PTPRN2: variants seen among roughly 807,000 people sequenced by gnomAD.
PTPRN2 encodes the protein receptor-type tyrosine-protein phosphatase N2.
A neutral mutation model predicts 118.8 loss-of-function variants in PTPRN2; 74 were observed. That is an observed-to-expected ratio of 0.62 (90% CI 0.52 to 0.76). PTPRN2 has a LOEUF of 0.76. Ranked by LOEUF, PTPRN2 falls within the 30% of genes least tolerant of loss-of-function variation. The pLI, the probability that PTPRN2 is intolerant of heterozygous loss-of-function variation, is 0.00. For missense variants in PTPRN2, 1,481 were observed against 1,394.4 expected, an observed-to-expected ratio of 1.06 and a Z score of -0.99; for synonymous variants, 641 against 608.0, an observed-to-expected ratio of 1.05 and a Z score of -0.80.
chr7:158,290,845 A>T (rs1283602597), intron 3 of PTPRN2, among the ~76,000 whole-genome samples: 1 of 152,172 alleles, frequency 6.6e-6, no homozygotes, highest in African/African-American at 2.4e-5. Flanking sequence ...ATAGATGTTC[A>T]AATTGTTGTT....
intron 12 of PTPRN2, among the ~76,000 whole-genome samples, chr7:157,689,792 A>G (rs1393821978): frequency 6.6e-6 from 1 of 152,134 alleles, no homozygotes; most frequent in Non-Finnish European, 1.5e-5. Flanking sequence ...GGCCTCTCAG[A>G]GGCGTCCCCA....
chr7:158,140,000 C>A (rs1819225033), intron 6 of PTPRN2, among the ~76,000 whole-genome samples: 1 of 131,930 alleles, frequency 7.6e-6, no homozygotes, highest in African/African-American at 3.2e-5. Flanking sequence ...AGAGAAACAC[C>A]ACCACACAGA....
intron 15 of PTPRN2, among the ~76,000 whole-genome samples, chr7:157,612,916 C>T (rs886750410): frequency 6.6e-6 from 1 of 152,180 alleles, no homozygotes; most frequent in Non-Finnish European, 1.5e-5. Flanking sequence ...CCCCACACCC[C>T]ACGGCAGCCG....
At chr7:158,401,083 G>A (rs555116530) in intron 2 of PTPRN2, among the ~76,000 whole-genome samples, 3 of 152,220 alleles carry the variant, frequency 2.0e-5, no homozygotes, top group Non-Finnish European at 2.9e-5. Context: ...AAGCGGCACC[G>A]CCACCAGCAA....
chr7:158,039,271 TG>T (rs1330696989), intron 11 of PTPRN2, among the ~76,000 whole-genome samples: 5 of 152,318 alleles, frequency 3.3e-5, no homozygotes, highest in African/African-American at 9.6e-5. Context: ...AAGTCCAGAA[TG>T]TTGTGGGATG....
At chr7:158,114,564 T>C (rs1816568821) in intron 9 of PTPRN2, among the ~76,000 whole-genome samples, 1 of 152,218 alleles carries the variant, frequency 6.6e-6, no homozygotes. Flanking sequence ...GGTACCAGGC[T>C]GAGCCAGGAG....
rs1014515014 is a variant in PTPRN2, at chr7:157,903,878, C to T, written c.1724-5141G>A. ...GCTGTGGATTTCCATGCACGCTTCA[C>T]AAGCAGCTGTGAGGACCACGTGGGA... On this transcript the variant is annotated intron_variant, in intron 11 of 22. Coordinates refer to ENST00000389418, the MANE Select transcript of PTPRN2 (RefSeq NM_002847.5). The surrounding 1 kb of genome is among the most constrained non-coding windows in gnomAD (Gnocchi z 4.2). Among the ~76,000 whole-genome samples, 1 of 152,220 alleles carries T rather than the reference C, an allele frequency of 6.6e-6. No individual in the cohort carries two copies. The highest frequency in any genetic ancestry group is 1.5e-5 in the Non-Finnish European group (1 of 68,034).
rs1797581359 is a variant in PTPRN2 at position 157,903,373 on chromosome 7, G to C, written c.1724-4636C>G. Among the ~76,000 whole-genome samples, 1 of 152,046 alleles carries C rather than the reference G, an allele frequency of 6.6e-6. No homozygotes were observed. Among genetic ancestry groups the C allele is most frequent in the Non-Finnish European group, 1.5e-5 (1 of 68,020 alleles). ...AAGCAAGACGGTACCCCAAACCTCA[G>C]CATCACCAGTATGCCCAGGTCACAA... On this transcript the variant is annotated intron_variant, in intron 11 of 22. Transcript: ENST00000389418. This position sits in a 1 kb window ranked among gnomAD's most constrained non-coding sequence, Gnocchi z 4.2.
At chr7:158,127,645 C>T (rs746688106) in intron 9 of PTPRN2, among the ~76,000 whole-genome samples, 9 of 152,158 alleles carry the variant, frequency 5.9e-5, no homozygotes, top group Non-Finnish European at 8.8e-5. Context: ...ACTGGCTCAG[C>T]GTGGTCGTTC....
At chr7:157,941,755 G>T (rs952941510) in intron 11 of PTPRN2, among the ~76,000 whole-genome samples, 1 of 152,142 alleles carries the variant, frequency 6.6e-6, no homozygotes, top group African/African-American at 2.4e-5. Flanking sequence ...CATGGAGTGG[G>T]GTCAGCATGT....
At chr7:158,135,240 T>C (rs142550684) in intron 8 of PTPRN2, among the ~76,000 whole-genome samples, 335 of 152,322 alleles carry the variant, frequency 2.2e-3, no homozygotes, top group African/African-American at 7.6e-3. Flanking sequence ...GGAAGGACTA[T>C]AGAGGCAATT....
At chr7:157,901,860 C>T (rs1440767731) in intron 11 of PTPRN2, among the ~76,000 whole-genome samples, 1 of 134,402 alleles carries the variant, frequency 7.4e-6, no homozygotes, top group African/African-American at 3.0e-5. Flanking sequence ...CCTTCCCGTC[C>T]GTGTTTCCTG....
At chr7:158,145,103 G>A (rs1347077561) in intron 6 of PTPRN2, among the ~76,000 whole-genome samples, 1 of 150,078 alleles carries the variant, frequency 6.7e-6, no homozygotes, top group African/African-American at 2.5e-5. Context: ...GGCTCGGCAA[G>A]GTTTCCCTCA....
chr7:158,350,311 C>T (rs1807831715), intron 2 of PTPRN2, among the ~76,000 whole-genome samples: 2 of 152,200 alleles, frequency 1.3e-5, no homozygotes. Context: ...GCGGCTCTTT[C>T]CCAAGCAGGG....
chr7:158,343,784 A>G (rs1309920386), intron 2 of PTPRN2, among the ~76,000 whole-genome samples: 1 of 151,710 alleles, frequency 6.6e-6, no homozygotes, highest in African/African-American at 2.4e-5. Context: ...AACACCTGCA[A>G]GCAGGGCTCG....
chr7:158,470,465 T>C (rs1386400670), intron 2 of PTPRN2, among the ~76,000 whole-genome samples: 1 of 152,216 alleles, frequency 6.6e-6, no homozygotes, highest in East Asian at 1.9e-4. Context: ...GCGAGGATGC[T>C]CACAGCAGCC....
At chr7:157,664,751 C>G (rs963531552) in intron 13 of PTPRN2, among the ~76,000 whole-genome samples, 12 of 152,148 alleles carry the variant, frequency 7.9e-5, no homozygotes, top group Middle Eastern at 3.2e-3. Context: ...AGAGCAAGAC[C>G]CTGTCCGCCT....
At chr7:158,347,765 G>A (rs1807625121) in intron 2 of PTPRN2, among the ~76,000 whole-genome samples, 1 of 152,132 alleles carries the variant, frequency 6.6e-6, no homozygotes, top group South Asian at 2.1e-4. Flanking sequence ...TATTTGCCTT[G>A]TCTTCCATTT....
chr7:157,896,703 G>A (rs1165403288), intron 12 of PTPRN2, among the ~76,000 whole-genome samples: 4 of 152,314 alleles, frequency 2.6e-5, no homozygotes, highest in African/African-American at 4.8e-5. Flanking sequence ...TCACGTGTGC[G>A]TAGACAACAG....
Sources: gnomAD v4.1 joint callset for allele counts (sites outside exome capture counted in the v4.1 genomes callset) on GRCh38, gnomAD v4.1.1 for gene constraint, Gnocchi (gnomAD v3.1) non-coding constraint, MANE v1.5 for transcripts, NCBI Gene and HGNC (gene_info 2026-07-23, HGNC 2026-07-21) for gene names.